Variants in KRT1 observed in about 807,000 individuals in gnomAD.
KRT1 encodes keratin 1, also known as keratin, type II cytoskeletal 1.
Under a neutral mutation model 51.6 loss-of-function variants are expected in KRT1, and 28 were observed. The ratio of observed to expected loss-of-function variants is 0.54; its 90% confidence interval spans 0.40 to 0.74. The LOEUF (loss-of-function observed/expected upper bound fraction) is 0.74, where lower values mean the gene tolerates loss of function less well. Ranked by LOEUF, KRT1 falls within the 30% of genes least tolerant of loss-of-function variation. KRT1 has a pLI of 0.00. For synonymous variants in KRT1, 301 were observed against 307.7 expected (o/e 0.98, Z 0.23); for missense variants, 783 against 815.5 (o/e 0.96, Z 0.49).
Position 52,676,467 on chromosome 12 carries a change from T to G in KRT1, c.1283A>C (p.Asp428Ala). 1 of 1,614,190 alleles carries G rather than the reference T, an allele frequency of 6.2e-7. No homozygotes were observed. Among genetic ancestry groups the G allele is most frequent in the Non-Finnish European group, 8.5e-7 (1 of 1,180,038 alleles). ...QISNLQQSIS[D>A]AEQRGENALK... ...GGCATTCTCGCCACGCTGCTCTGCA[T>G]CACTGATGGACTGCTGCAAGTTGGA... Residue 428 changes from aspartate to alanine, a missense_variant, in exon 7 of 9, where the codon GAT (aspartate) becomes GCT (alanine). Asp to Ala is a moderately radical substitution (Grantham distance 126, BLOSUM62 -2). Coordinates refer to ENST00000252244, the MANE Select transcript of KRT1 (RefSeq NM_006121.4).
Position 52,680,192 on chromosome 12 carries a change from C to G in KRT1, c.157G>C (p.Gly53Arg). 1 of 1,613,524 alleles carries G rather than the reference C, an allele frequency of 6.2e-7. No individual in the cohort carries two copies. Among genetic ancestry groups the G allele is most frequent in the Non-Finnish European group, 8.5e-7 (1 of 1,179,656 alleles). ...CCACCACCAGCACCAAAGCTACCAC[C>G]ACCACCACCACAGCTTGAAAATCTC... ...GGRFSSCGGG[G>R]GSFGAGGGFG... The change falls in exon 1 of 9, where the codon GGT (glycine) becomes CGT (arginine). Residue 53 changes from glycine to arginine, a missense_variant. Transcript: ENST00000252244.
Position 52,675,169 on chromosome 12 carries a change from G to C in KRT1, c.*24C>G. The C allele has an allele frequency of 1.2e-6, 2 of 1,612,476 alleles. No homozygotes were observed. The highest frequency in any genetic ancestry group is 1.7e-6 in the Non-Finnish European group (2 of 1,179,662). On this transcript the variant is annotated 3_prime_UTR_variant, in exon 9 of 9. Coordinates refer to ENST00000252244, the MANE Select transcript of KRT1 (RefSeq NM_006121.4). ...TTAGTGATGCTGGGGGAGAACTAGA[G>C]CTAATGAAACAGAGGGCATCTCTTT...
chr12:52,675,336 TGCCGCCGCCGCCGCCTCCAGA>T lies in KRT1; in HGVS notation c.1771_1791del (p.Gly592_Ser598del), dbSNP rs1941483359. On this transcript the variant is annotated inframe_deletion, in exon 9 of 9. Transcript: ENST00000252244. ...CCGCCAGAGCCCCGGCCGCCAGAGC[TGCCGCCGCCGCCGCCTCCAGA>T]GCCACCTCTGTAGCCCCCACTGCTG... 6.8e-6 allele frequency: 11 copies of T among 1,609,810 alleles called. No homozygotes were observed. The highest frequency in any genetic ancestry group is 9.3e-6 in the Non-Finnish European group (11 of 1,179,248).
intron 6 of KRT1, 68 bp from the exon 7 acceptor site, chr12:52,676,563 TC>T: frequency 6.8e-7 from 1 of 1,473,740 alleles, no homozygotes; most frequent in Non-Finnish European, 9.4e-7. Flanking sequence ...CCAATTGGTC[TC>T]CCCACTCCAG....
chr12:52,676,689 G>A (rs1238635517), intron 6 of KRT1, among the ~76,000 whole-genome samples, 194 bp from the exon 7 acceptor site: 1 of 152,090 alleles, frequency 6.6e-6, no homozygotes, highest in Non-Finnish European at 1.5e-5. Flanking sequence ...TAACTCAACA[G>A]CCTCTCTTGG....
Position 52,675,130 on chromosome 12 carries a change from G to A in KRT1, c.*63C>T. The A allele has an allele frequency of 6.3e-7, 1 of 1,597,136 alleles. No homozygotes were observed. The highest frequency in any genetic ancestry group is 1.1e-5 in the South Asian group (1 of 90,712). On this transcript the variant is annotated 3_prime_UTR_variant, in exon 9 of 9. Transcript: ENST00000252244. ...GCTGGGACAAATCGACCTCGGTCTTGCCAAGCATATTTGTTAGTGATGCTG... is the reference window on the plus strand; with the variant it reads ...GCTGGGACAAATCGACCTCGGTCTTACCAAGCATATTTGTTAGTGATGCTG...
intron 4 of KRT1, 44 bp from the exon 5 acceptor site, chr12:52,677,524 A>G (rs2121004410): frequency 6.2e-7 from 1 of 1,612,944 alleles, no homozygotes; most frequent in Middle Eastern, 1.7e-4. Context: ...CACTAAAACA[A>G]AAAACAACTT....
At chr12:52,676,095 T>C (rs956041949) in intron 7 of KRT1, among the ~76,000 whole-genome samples, 180 bp downstream of exon 7, 4 of 152,086 alleles carry the variant, frequency 2.6e-5, no homozygotes, top group Non-Finnish European at 4.4e-5. Flanking sequence ...AAGAAAAAAA[T>C]AAACAGCTTG....
chr12:52,680,092 C>T lies in KRT1; in HGVS notation c.257G>A (p.Arg86His), dbSNP rs886049637. Residue 86 changes from arginine (R) to histidine (H), a missense_variant, in exon 1 of 9, where the codon CGT (arginine) becomes CAT (histidine). Transcript: ENST00000252244. The part of the protein sequence containing the change: ...ISISVARGGG[R>H]GSGFGGGYGG... The stretch of plus-strand genomic sequence containing the variant: ...ATAACCACCACCAAAGCCACTACCA[C>T]GTCCACCTCCTCTAGCCACACTTAT... 2.0e-5 allele frequency: 31 copies of T among 1,557,122 alleles called. No homozygotes were observed. The highest frequency in any genetic ancestry group is 4.9e-5 in the East Asian group (2 of 41,070).
chr12:52,678,708 G>A lies in KRT1; in HGVS notation c.640C>T (p.Leu214=). Residue 214 remains leucine, a synonymous_variant, in exon 2 of 9, where the codon CTG becomes TTG. Coordinates refer to ENST00000252244, the MANE Select transcript of KRT1 (RefSeq NM_006121.4). ...QNQVLQTKWE[L]LQQVDTSTRT... ...GTGGAGGTATCTACCTGCTGCAGCA[G>A]CTCCCATTTTGTTTGCAGTACCTGG... The A allele has an allele frequency of 6.2e-7, 1 of 1,614,196 alleles. No individual in the cohort carries two copies. Among genetic ancestry groups the A allele is most frequent in the Non-Finnish European group, 8.5e-7 (1 of 1,180,030 alleles).
rs779743242 is a variant in KRT1 at position 52,677,336 on chromosome 12, C to T, written c.1108G>A (p.Glu370Lys). Reference sequence around the variant, plus strand: ...CTCACCTTGCTCTGGTACAAGGACTCGGCCTCAGCTTTGCTCTTCTGGGCT... The same window carrying T: ...CTCACCTTGCTCTGGTACAAGGACTTGGCCTCAGCTTTGCTCTTCTGGGCT... Reference protein sequence around the residue: ...DIAQKSKAEAESLYQSKYEEL... With the variant: ...DIAQKSKAEAKSLYQSKYEEL... The change falls in exon 5 of 9, where the codon GAG becomes AAG. Residue 370 changes from glutamate to lysine, a missense_variant. Coordinates refer to ENST00000252244, the MANE Select transcript of KRT1 (RefSeq NM_006121.4). The T allele has an allele frequency of 9.3e-6, 15 of 1,614,104 alleles. No homozygotes were observed. Among genetic ancestry groups the T allele is most frequent in the East Asian group, 2.2e-5 (1 of 44,894 alleles).
At chr12:52,675,894 C>G in intron 7 of KRT1, 150 bp from the exon 8 acceptor site, 1 of 916,256 alleles carries the variant, frequency 1.1e-6, no homozygotes. Context: ...TCTGGCCTCC[C>G]AGACCTGTCA....
chr12:52,678,240 A>G lies in KRT1; in HGVS notation c.807-17T>C. 1 of 1,613,676 alleles carries G rather than the reference A, an allele frequency of 6.2e-7. No homozygotes were observed. The highest frequency in any genetic ancestry group is 8.5e-7 in the Non-Finnish European group (1 of 1,179,766). ...TCCTCATACCTGCAGGAAAGCAGAA[A>G]CAATTAGGAGATTCAGAGGTGGTAA... On this transcript the variant is annotated splice_polypyrimidine_tract_variant and intron_variant, in intron 2 of 8. Coordinates refer to ENST00000252244, the MANE Select transcript of KRT1 (RefSeq NM_006121.4).
chr12:52,675,282 G>A lies in KRT1; in HGVS notation c.1846C>T (p.Arg616Trp), dbSNP rs766766361. The change falls in exon 9 of 9, where the codon CGG becomes TGG. Residue 616 changes from arginine to tryptophan, a missense_variant. Arg to Trp is a moderately radical substitution (Grantham distance 101). Transcript: ENST00000252244. Reference protein sequence around the residue: ...GGSSGGSIGGRGSSSGGVKSS... With the variant: ...GGSSGGSIGGWGSSSGGVKSS... ...TTGACACCCCCAGAGCTGGATCCCCGGCCTCCTATGGAGCCTCCAGAGCTC... is the reference window on the plus strand; with the variant it reads ...TTGACACCCCCAGAGCTGGATCCCCAGCCTCCTATGGAGCCTCCAGAGCTC... The A allele has an allele frequency of 8.7e-6, 14 of 1,613,484 alleles. No individual in the cohort carries two copies. Among genetic ancestry groups the A allele is most frequent in the Admixed American group, 3.3e-5 (2 of 60,006 alleles).
chr12:52,675,639 T>C (rs1941492962), intron 8 of KRT1, 22 bp from the exon 9 acceptor site: 5 of 1,614,124 alleles, frequency 3.1e-6, no homozygotes. Flanking sequence ...AGCTCAGTTA[T>C]TTTCAACCTC....
At position 52,677,749 on chromosome 12, in the gene KRT1, G is replaced by A; in HGVS notation, c.868-4C>T. ...TCATATAAGCACCATCCACATCCTAGAGGAACAAGGGACATCATGAAGGCA... is the reference window on the plus strand; with the variant it reads ...TCATATAAGCACCATCCACATCCTAAAGGAACAAGGGACATCATGAAGGCA... On this transcript the variant is annotated splice_region_variant and splice_polypyrimidine_tract_variant and intron_variant, in intron 3 of 8. Coordinates refer to ENST00000252244, the MANE Select transcript of KRT1 (RefSeq NM_006121.4). The A allele has an allele frequency of 6.2e-7, 1 of 1,613,248 alleles. No homozygotes were observed. Among genetic ancestry groups the A allele is most frequent in the Non-Finnish European group, 8.5e-7 (1 of 1,179,212 alleles).
chr12:52,678,392 T>C, intron 2 of KRT1, 150 bp downstream of exon 2: 1 of 1,039,634 alleles, frequency 9.6e-7, no homozygotes, highest in East Asian at 2.5e-5. Context: ...TTCCATCTCC[T>C]GAGAAAATGA....
At position 52,679,718 on chromosome 12, in the gene KRT1, C is replaced by T. The variant is rs762165892; in HGVS notation, c.591+40G>A. 1.9e-5 allele frequency: 30 copies of T among 1,566,280 alleles called. No homozygotes were observed. The East Asian group carries it at 6.5e-4, about 34-fold the overall frequency. On this transcript the variant is annotated intron_variant, in intron 1 of 8. Transcript: ENST00000252244. ...TTTGACTGCACCAATCCCAAGTGGACCAGCGGCAGCCCTACCAGTGCAATG... is the reference window on the plus strand; with the variant it reads ...TTTGACTGCACCAATCCCAAGTGGATCAGCGGCAGCCCTACCAGTGCAATG...
chr12:52,679,939 C>T lies in KRT1; in HGVS notation c.410G>A (p.Gly137Asp), dbSNP rs1447083062. ...AGGACCATAACCACCCCCATATCCA[C>T]CACCCCCAAAGCCACCTCCACCAAA... ...GGFGGGGFGG[G>D]GYGGGYGPVC... Residue 137 changes from glycine (G) to aspartate (D), a missense_variant, in exon 1 of 9, where the codon GGT becomes GAT. By Grantham distance (94) the Gly-to-Asp change is moderately conservative (BLOSUM62 -1). Transcript: ENST00000252244. 3.1e-6 allele frequency: 5 copies of T among 1,613,494 alleles called. No homozygotes were observed. In the African/African-American group the frequency reaches 5.4e-5, roughly 17 times the overall value.
Sources: allele counts gnomAD v4.1 joint callset (sites outside exome capture counted in the v4.1 genomes callset), GRCh38; gene constraint gnomAD v4.1.1; transcripts MANE v1.5; gene names NCBI Gene and HGNC (gene_info 2026-07-23, HGNC 2026-07-21).